The following C2CD5 variants were observed in gnomAD, a reference collection of about 807,000 sequenced individuals.
The protein encoded by C2CD5 is C2 domain-containing protein 5.
A neutral mutation model predicts 130.3 loss-of-function variants in C2CD5; 109 were observed. The ratio of observed to expected loss-of-function variants is 0.84; its 90% CI spans 0.72 to 0.98. C2CD5 has a LOEUF of 0.98. Among genes scored for constraint, C2CD5 ranks in the 50% least tolerant of loss-of-function variants. The probability of loss-of-function intolerance (pLI) is 0.00; values close to 1 mark genes in which losing one functional copy is unlikely to be tolerated. For synonymous variants in C2CD5, 454 were observed against 429.2 expected (o/e 1.06, Z -0.71); for missense variants, 996 against 1,261.8 (o/e 0.79, Z 3.19).
At chr12:22,512,617 T>C (rs1477186736) in intron 9 of C2CD5, 10 of 1,408,364 alleles carry the variant, frequency 7.1e-6, no homozygotes, top group East Asian at 5.2e-5. Context: ...ATACAAGAAA[T>C]AGGCTCTCAC....
At chr12:22,469,267 G>T (rs7138943) in intron 22 of C2CD5, among the ~76,000 whole-genome samples, 1 of 151,874 alleles carries the variant, frequency 6.6e-6, no homozygotes, top group African/African-American at 2.4e-5. Context: ...TTTCTCACTT[G>T]TACTACTCCC....
At chr12:22,461,237 G>A (rs192711703) in intron 22 of C2CD5, among the ~76,000 whole-genome samples, 2 of 152,258 alleles carry the variant, frequency 1.3e-5, no homozygotes, top group East Asian at 3.9e-4. Context: ...AGAGTCCTGA[G>A]GCTCTCATAT....
chr12:22,481,504 T>A (rs1048774619), intron 14 of C2CD5, among the ~76,000 whole-genome samples: 3 of 152,088 alleles, frequency 2.0e-5, no homozygotes, highest in Admixed American at 6.6e-5. Context: ...GTTCTCTGAG[T>A]CCTACACTAC....
rs1937970184 is a variant in C2CD5, at chr12:22,448,968, C to T, written c.*792G>A. ...CTTATTAGGAAATAATTTTATGTTC[C>T]TACTAAGTCAACTGCATTTTTACTA... On this transcript the variant is annotated 3_prime_UTR_variant, in exon 27 of 27. Coordinates refer to ENST00000446597, the MANE Select transcript of C2CD5 (RefSeq NM_001286176.2). 6.6e-6 allele frequency: 1 copy of T among 152,334 alleles called. No individual in the cohort carries two copies. Among genetic ancestry groups the T allele is most frequent in the Admixed American group, 6.6e-5 (1 of 15,228 alleles). The allele number at this position is 152,334 out of a possible 1,614,324, so 9.4% of individuals were successfully genotyped here. A position where few individuals can be genotyped will look rare whatever the true frequency, so the allele number is the denominator to read the frequency against.
intron 14 of C2CD5, among the ~76,000 whole-genome samples, chr12:22,479,106 C>T (rs1463935381): frequency 6.6e-5 from 10 of 151,792 alleles, no homozygotes; most frequent in Non-Finnish European, 1.0e-4. Context: ...CGAAGTCCCA[C>T]GCTTTCACCC....
chr12:22,519,233 C>A (rs996890876), intron 7 of C2CD5: 2 of 1,535,304 alleles, frequency 1.3e-6, no homozygotes, highest in Admixed American at 2.0e-5. Context: ...GATGAACCAG[C>A]GGAGACCTGA....
chr12:22,526,987 T>C (rs1160215874), intron 4 of C2CD5, among the ~76,000 whole-genome samples: 3 of 152,220 alleles, frequency 2.0e-5, no homozygotes, highest in East Asian at 1.9e-4. Context: ...ACCGTGTCTC[T>C]ACAAAAAATT....
chr12:22,455,668 G>A (rs539794626), intron 25 of C2CD5, among the ~76,000 whole-genome samples: 1 of 152,208 alleles, frequency 6.6e-6, no homozygotes, highest in African/African-American at 2.4e-5. Flanking sequence ...GTAATTAAGA[G>A]TGATATAAAA....
intron 22 of C2CD5, among the ~76,000 whole-genome samples, chr12:22,467,703 T>A (rs866754692): frequency 1.3e-5 from 2 of 152,206 alleles, no homozygotes; most frequent in Non-Finnish European, 2.9e-5. Context: ...CCAACCTACC[T>A]CACGGTCCCT....
At chr12:22,518,982 G>T in intron 7 of C2CD5, 1 of 704,180 alleles carries the variant, frequency 1.4e-6, no homozygotes, top group Non-Finnish European at 2.2e-6. Context: ...CCTCACTGCA[G>T]CTGGACTTCG....
At chr12:22,504,775 A>T (rs1177989917) in intron 10 of C2CD5, among the ~76,000 whole-genome samples, 2 of 152,220 alleles carry the variant, frequency 1.3e-5, no homozygotes, top group African/African-American at 4.8e-5. Flanking sequence ...CAGGTATTTT[A>T]ACTCAGTATT....
intron 22 of C2CD5, among the ~76,000 whole-genome samples, chr12:22,465,287 C>T (rs1363268692): frequency 6.6e-6 from 1 of 152,012 alleles, no homozygotes; most frequent in Admixed American, 6.5e-5. Context: ...GTCTTCTATA[C>T]AGTTTCACTC....
intron 15 of C2CD5, among the ~76,000 whole-genome samples, chr12:22,476,187 T>C (rs1943812455): frequency 6.6e-6 from 1 of 152,222 alleles, no homozygotes; most frequent in East Asian, 1.9e-4. Context: ...TTTTAATGTA[T>C]TGACAAAAAA....
intron 10 of C2CD5, among the ~76,000 whole-genome samples, chr12:22,500,662 C>A (rs1012335451): frequency 1.3e-5 from 2 of 152,092 alleles, no homozygotes; most frequent in Non-Finnish European, 2.9e-5. Flanking sequence ...TAGCAAATTG[C>A]GTGGCACAAA....
Position 22,455,453 on chromosome 12 carries a change from G to T in C2CD5, c.2878-1411C>A, listed in dbSNP as rs375838095. The stretch of plus-strand genomic sequence containing the variant: ...TATGGGAGCTTAAGTAGTCAAGAAG[G>T]CTTAGGAAATACAATTTTATGGATT... On this transcript the variant is annotated intron_variant, in intron 25 of 26. Transcript: ENST00000446597. Among the ~76,000 whole-genome samples the T allele has an allele frequency of 5.6e-4, 85 of 152,216 alleles. 1 individual carries two copies. The highest frequency in any genetic ancestry group is 2.0e-3 in the African/African-American group (82 of 41,532).
chr12:22,469,852 A>T, intron 21 of C2CD5, 57 bp from the exon 22 acceptor site: 5 of 1,065,618 alleles, frequency 4.7e-6, no homozygotes, highest in Non-Finnish European at 6.6e-6. Context: ...AATTTTTTAA[A>T]ATTAAGAATC....
chr12:22,504,904 A>G (rs1565746597), intron 10 of C2CD5, among the ~76,000 whole-genome samples: 1 of 152,326 alleles, frequency 6.6e-6, no homozygotes, highest in East Asian at 1.9e-4. Flanking sequence ...AGTACTGTAC[A>G]CAAATACTAC....
chr12:22,465,930 A>G (rs1435434339), intron 22 of C2CD5, among the ~76,000 whole-genome samples: 1 of 152,112 alleles, frequency 6.6e-6, no homozygotes, highest in African/African-American at 2.4e-5. Flanking sequence ...GTAACACCAA[A>G]TCAACCATAA....
chr12:22,481,242 A>C (rs996771032), intron 14 of C2CD5, among the ~76,000 whole-genome samples: 2 of 152,180 alleles, frequency 1.3e-5, no homozygotes, highest in South Asian at 4.1e-4. Context: ...TTTTGCTCTT[A>C]AAGAAAGATG....
Sources: allele counts gnomAD v4.1 joint callset (sites outside exome capture counted in the v4.1 genomes callset), GRCh38; gene constraint gnomAD v4.1.1; transcripts MANE v1.5; gene names NCBI Gene and HGNC (gene_info 2026-07-23, HGNC 2026-07-21).